PCDH15: variants seen among roughly 807,000 people sequenced by gnomAD.
PCDH15 encodes protocadherin-15.
PCDH15 carries 129 observed loss-of-function variants against 178.5 expected under a neutral mutation model. That is an observed-to-expected ratio of 0.72 (90% CI 0.63 to 0.84). PCDH15 has a LOEUF of 0.84. Among genes scored for constraint, PCDH15 ranks in the 40% least tolerant of loss-of-function variants. The pLI is 0.00. For missense variants in PCDH15, 2,230 were observed against 2,099.9 expected (o/e 1.06, Z -1.21); for synonymous variants, 800 against 732.0 (o/e 1.09, Z -1.50).
At chr10:53,851,778 G>A (rs926274654) in intron 28 of PCDH15, among the ~76,000 whole-genome samples, 7 of 137,052 alleles carry the variant, frequency 5.1e-5, no homozygotes, top group South Asian at 4.7e-4. Context: ...TTCTATATAC[G>A]TAATATATAT....
At chr10:54,294,817 A>T (rs1055025046) in intron 8 of PCDH15, among the ~76,000 whole-genome samples, 1 of 152,226 alleles carries the variant, frequency 6.6e-6, no homozygotes, top group African/African-American at 2.4e-5. Flanking sequence ...AATTTAACTC[A>T]TATTATTTTT....
At chr10:55,497,420 G>A (rs11004890) in intron 2 of PCDH15, among the ~76,000 whole-genome samples, 47,076 of 151,438 alleles carry the variant, frequency 0.31, 7,480 homozygotes, top group African/African-American at 0.37. Context: ...ATCAGCCACC[G>A]CGTCTGGCTG....
chr10:55,550,540 A>G (rs1841984106), intron 2 of PCDH15, among the ~76,000 whole-genome samples: 1 of 152,156 alleles, frequency 6.6e-6, no homozygotes, highest in African/African-American at 2.4e-5. Context: ...CACTGGAAGC[A>G]AGTATTAATT....
rs531351025 is a variant in PCDH15, at chr10:54,082,061, G to C, written c.1998-2637C>G. Among the ~76,000 whole-genome samples, 4 of 152,290 alleles carry C rather than the reference G, an allele frequency of 2.6e-5. No homozygotes were observed. The South Asian group carries it at 8.3e-4, about 32-fold the overall frequency. ...TTTATCCTACCATCTCACTGGCTCA[G>C]AGTGGCCTTGAAAACATCAGTGAAC... On this transcript the variant is annotated intron_variant, in intron 16 of 37. Transcript: ENST00000644397.
At chr10:54,421,005 A>C (rs1955202277) in intron 3 of PCDH15, among the ~76,000 whole-genome samples, 1 of 152,098 alleles carries the variant, frequency 6.6e-6, no homozygotes, top group Admixed American at 6.6e-5. Flanking sequence ...TACCACGAAA[A>C]AAGCTTTTCG....
At chr10:54,698,936 G>T (rs74383037) in intron 1 of PCDH15, among the ~76,000 whole-genome samples, 3,294 of 152,166 alleles carry the variant, frequency 0.022, 107 homozygotes, top group African/African-American at 0.073. Flanking sequence ...CTCAAGAAGG[G>T]TTCCTTGACT....
intron 3 of PCDH15, among the ~76,000 whole-genome samples, chr10:54,480,904 A>G (rs797009003): frequency 4.6e-5 from 7 of 152,076 alleles, no homozygotes; most frequent in African/African-American, 1.7e-4. Context: ...AACAGCAGAT[A>G]TAAGACAGTG....
intron 13 of PCDH15, among the ~76,000 whole-genome samples, chr10:54,174,741 C>T (rs1409502914): frequency 3.7e-5 from 4 of 109,506 alleles, no homozygotes; most frequent in East Asian, 2.3e-4. Flanking sequence ...AGTCTCGTTC[C>T]GTCACCCAGC....
chr10:53,988,729 C>G (rs1183541058), intron 21 of PCDH15, among the ~76,000 whole-genome samples: 1 of 152,040 alleles, frequency 6.6e-6, no homozygotes, highest in Non-Finnish European at 1.5e-5. Context: ...GTGGGCCAGT[C>G]CCAGAGAAAG....
chr10:55,019,641 T>C (rs1840274561), intron 2 of PCDH15, among the ~76,000 whole-genome samples: 1 of 152,138 alleles, frequency 6.6e-6, no homozygotes, highest in Non-Finnish European at 1.5e-5. Flanking sequence ...AAACTGCCCT[T>C]TGTCTCTGAC....
chr10:54,626,403 A>G (rs1242630992), intron 2 of PCDH15, among the ~76,000 whole-genome samples: 2 of 152,148 alleles, frequency 1.3e-5, no homozygotes, highest in African/African-American at 4.8e-5. Context: ...CAGGGCTCAA[A>G]GTCCCCCTGC....
At chr10:55,394,702 T>C (rs1588983951) in intron 2 of PCDH15, among the ~76,000 whole-genome samples, 1 of 151,946 alleles carries the variant, frequency 6.6e-6, no homozygotes, top group African/African-American at 2.4e-5. Context: ...AAAAAAACTT[T>C]AAAGAGAAAG....
At chr10:55,024,367 G>T (rs1027508957) in intron 2 of PCDH15, among the ~76,000 whole-genome samples, 5 of 147,476 alleles carry the variant, frequency 3.4e-5, no homozygotes, top group African/African-American at 1.2e-4. Flanking sequence ...ATATTTATAT[G>T]AGTGTGTGTG....
intron 2 of PCDH15, among the ~76,000 whole-genome samples, chr10:54,996,114 T>C (rs926481227): frequency 1.3e-5 from 2 of 152,280 alleles, no homozygotes; most frequent in Admixed American, 1.3e-4. Flanking sequence ...CAGGAACACA[T>C]TGCTCATGGC....
intron 15 of PCDH15, among the ~76,000 whole-genome samples, chr10:54,128,854 G>T (rs189043525): frequency 2.8e-4 from 42 of 152,092 alleles, no homozygotes; most frequent in Admixed American, 7.9e-4. Context: ...AAAATAAATT[G>T]TATATATTTT....
chr10:55,224,634 C>T (rs1012956370), intron 1 of PCDH15, among the ~76,000 whole-genome samples: 3 of 152,126 alleles, frequency 2.0e-5, no homozygotes, highest in Non-Finnish European at 2.9e-5. Flanking sequence ...TTGACTAGTA[C>T]ATAGCACACC....
At chr10:53,987,442 G>T (rs955033599) in intron 21 of PCDH15, among the ~76,000 whole-genome samples, 12 of 152,112 alleles carry the variant, frequency 7.9e-5, no homozygotes, top group Non-Finnish European at 1.6e-4. Flanking sequence ...AAGGAGTGTT[G>T]CACGTCATAC....
At chr10:55,167,923 G>A (rs368872299) in intron 1 of PCDH15, among the ~76,000 whole-genome samples, 3 of 151,752 alleles carry the variant, frequency 2.0e-5, no homozygotes, top group East Asian at 1.9e-4. Flanking sequence ...AAAATCTAGC[G>A]CATATAAATT....
intron 1 of PCDH15, among the ~76,000 whole-genome samples, chr10:55,312,597 A>T (rs1259601254): frequency 6.6e-6 from 1 of 151,798 alleles, no homozygotes. Context: ...TTTATCATAG[A>T]TGTTGACTGC....
Sources: gnomAD v4.1 joint callset for allele counts (sites outside exome capture counted in the v4.1 genomes callset) on GRCh38, gnomAD v4.1.1 for gene constraint, MANE v1.5 for transcripts, NCBI Gene and HGNC (gene_info 2026-07-23, HGNC 2026-07-21) for gene names.